Variants in RABGEF1 observed in about 807,000 individuals in gnomAD.
The protein encoded by RABGEF1 is RAB guanine nucleotide exchange factor 1.
A neutral mutation model predicts 57.3 loss-of-function variants in RABGEF1; 26 were observed. The ratio of observed to expected loss-of-function variants is 0.45; its 90% CI spans 0.33 to 0.63. The LOEUF (loss-of-function observed/expected upper bound fraction) is 0.63. Ranked by LOEUF, RABGEF1 falls within the 20% of genes least tolerant of loss-of-function variation. The pLI, the probability that RABGEF1 is intolerant of heterozygous loss-of-function variation, is 0.02. For missense variants in RABGEF1, 464 were observed against 607.6 expected, an observed-to-expected ratio of 0.76 and a Z score of 2.48; for synonymous variants, 185 against 210.7, an observed-to-expected ratio of 0.88 and a Z score of 1.06.
chr7:66,657,496 G>C, the RABGEF1 span, among the ~76,000 whole-genome samples: 1 of 152,212 alleles, frequency 6.6e-6, no homozygotes, highest in African/African-American at 2.4e-5. Context: ...GCAGCGTTCA[G>C]AGGGAAATGT....
chr7:66,739,627 A>G (rs1392527371), upstream of RABGEF1, among the ~76,000 whole-genome samples: 1 of 145,886 alleles, frequency 6.9e-6, no homozygotes, highest in African/African-American at 2.6e-5. Flanking sequence ...GCACGACTGA[A>G]CTCCAGTGTG....
chr7:66,654,812 C>T, the RABGEF1 span, among the ~76,000 whole-genome samples: 1 of 152,218 alleles, frequency 6.6e-6, no homozygotes, highest in South Asian at 2.1e-4. Flanking sequence ...CTCCGCCTTC[C>T]CAGTTCCAGG....
At chr7:66,784,493 T>A (rs1209848649) in intron 4 of RABGEF1, among the ~76,000 whole-genome samples, 1 of 152,254 alleles carries the variant, frequency 6.6e-6, no homozygotes, top group Non-Finnish European at 1.5e-5. Flanking sequence ...TGTAAAGGAA[T>A]TCATTTTGTA....
intron 2 of RABGEF1, among the ~76,000 whole-genome samples, chr7:66,774,355 T>C (rs1190257133): frequency 6.6e-6 from 1 of 152,242 alleles, no homozygotes; most frequent in Admixed American, 6.5e-5. Flanking sequence ...CTTTCTAAAG[T>C]ACAGATCTGA....
intron 2 of RABGEF1, among the ~76,000 whole-genome samples, chr7:66,732,702 T>C (rs1562749175): frequency 6.6e-6 from 1 of 152,026 alleles, no homozygotes. Flanking sequence ...TTGTGCTCTC[T>C]CTCTCTCGCT....
At chr7:66,723,143 A>G (rs1454048557) in intron 2 of RABGEF1, among the ~76,000 whole-genome samples, 1 of 151,814 alleles carries the variant, frequency 6.6e-6, no homozygotes, top group Non-Finnish European at 1.5e-5. Context: ...TAGTTTTTGT[A>G]TTTTTAGTAG....
intron 2 of RABGEF1, among the ~76,000 whole-genome samples, chr7:66,720,081 C>T (rs1409410310): frequency 1.3e-5 from 2 of 151,786 alleles, no homozygotes; most frequent in Admixed American, 6.6e-5. Context: ...CAATGTAATG[C>T]AATATATTAA....
Position 66,730,115 on chromosome 7 carries a change from T to C in RABGEF1, c.-814-9881T>C, listed in dbSNP as rs182111150. 7.9e-5 allele frequency among the ~76,000 whole-genome samples: 12 copies of C among 152,306 alleles called. No homozygotes were observed. In the East Asian group the frequency reaches 2.3e-3, roughly 29 times the overall value. ...CCTCTTCAGGCCTCCCTTTCTCATC[T>C]CTAAGATGAAAAGAGCAGCACTTCC... On this transcript the variant is annotated intron_variant and NMD_transcript_variant, in intron 2 of 9. Coordinates refer to the RABGEF1 transcript ENST00000607882.
chr7:66,806,355 T>C (rs1448551481), intron 8 of RABGEF1, among the ~76,000 whole-genome samples: 1 of 152,182 alleles, frequency 6.6e-6, no homozygotes, highest in Non-Finnish European at 1.5e-5. Context: ...CCTTTTCCTG[T>C]AAGTAGGTTC....
chr7:66,692,920 G>A (rs79330850), intron 1 of RABGEF1, among the ~76,000 whole-genome samples: 1,822 of 151,848 alleles, frequency 0.012, 16 homozygotes, highest in Middle Eastern at 0.031. Context: ...GAGGGCTGAG[G>A]CAAGGATCAT....
chr7:66,772,917 A>AAAT (rs1807515968), intron 2 of RABGEF1, among the ~76,000 whole-genome samples: 1 of 151,014 alleles, frequency 6.6e-6, no homozygotes, highest in Non-Finnish European at 1.5e-5. Context: ...GTCTCAAAAA[A>AAAT]AAATAAATAA....
upstream of RABGEF1, among the ~76,000 whole-genome samples, chr7:66,681,239 C>T (rs1789703114): frequency 1.3e-5 from 2 of 152,158 alleles, no homozygotes; most frequent in Non-Finnish European, 2.9e-5. Flanking sequence ...CCATAGATGG[C>T]ATCCAGGACT....
chr7:66,685,070 A>G (rs1790391586), intron 1 of RABGEF1, among the ~76,000 whole-genome samples: 1 of 151,738 alleles, frequency 6.6e-6, no homozygotes, highest in South Asian at 2.1e-4. Flanking sequence ...CGGCCTTAAA[A>G]TGGAATTTTA....
chr7:66,686,354 A>T (rs1790634151), intron 1 of RABGEF1, among the ~76,000 whole-genome samples: 1 of 151,834 alleles, frequency 6.6e-6, no homozygotes, highest in South Asian at 2.1e-4. Flanking sequence ...TGCCTATAAT[A>T]CCAGTGCTTT....
chr7:66,751,977 A>C (rs1801528454), intron 1 of RABGEF1, among the ~76,000 whole-genome samples: 1 of 151,642 alleles, frequency 6.6e-6, no homozygotes, highest in South Asian at 2.1e-4. Context: ...TGGGAGGCTC[A>C]CTTGAGCCCA....
chr7:66,729,394 T>C lies in RABGEF1; in HGVS notation c.-814-10602T>C, dbSNP rs565241635. ...CCATTCTCACTCTCTTCTCACTCACTGTCCCTCTTTCACCTCCATCCTCAT... is the reference window on the plus strand; with the variant it reads ...CCATTCTCACTCTCTTCTCACTCACCGTCCCTCTTTCACCTCCATCCTCAT... On this transcript the variant is annotated intron_variant and NMD_transcript_variant, in intron 2 of 9. Coordinates refer to the RABGEF1 transcript ENST00000607882. 6.7e-4 allele frequency among the ~76,000 whole-genome samples: 101 copies of C among 151,678 alleles called. 1 individual carries two copies. The highest frequency in any genetic ancestry group is 6.3e-4 in the Non-Finnish European group (43 of 67,858).
chr7:66,662,023 G>A, the RABGEF1 span, among the ~76,000 whole-genome samples: 2 of 152,150 alleles, frequency 1.3e-5, no homozygotes, highest in Non-Finnish European at 2.9e-5. Flanking sequence ...GCCGAGGCGG[G>A]TGGATCACGA....
chr7:66,777,166 C>A (rs189137845), intron 3 of RABGEF1, among the ~76,000 whole-genome samples: 153 of 152,316 alleles, frequency 1.0e-3, no homozygotes, highest in African/African-American at 3.4e-3. Flanking sequence ...GAAGAATACT[C>A]ATTCCTATTT....
rs550295932 is a variant in RABGEF1 at position 66,686,017 on chromosome 7, G to A, written c.-873+3759G>A. On this transcript the variant is annotated intron_variant and NMD_transcript_variant, in intron 1 of 9. Transcript: ENST00000607882. Reference sequence around the variant, plus strand: ...TTATAGGCCAGGTGCGGTGGCTCACGCCTGTAATCCCAACACTTTGGGAAG... The same window carrying A: ...TTATAGGCCAGGTGCGGTGGCTCACACCTGTAATCCCAACACTTTGGGAAG... 7.9e-5 allele frequency among the ~76,000 whole-genome samples: 12 copies of A among 152,250 alleles called. No individual in the cohort carries two copies. The South Asian group carries it at 1.0e-3, about 13-fold the overall frequency.
Sources: allele counts gnomAD v4.1 joint callset (sites outside exome capture counted in the v4.1 genomes callset), GRCh38; gene constraint gnomAD v4.1.1; transcripts MANE v1.5; gene names NCBI Gene and HGNC (gene_info 2026-07-23, HGNC 2026-07-21).